DPP10: variants seen among roughly 807,000 people sequenced by gnomAD.
The protein encoded by DPP10 is dipeptidyl peptidase like 10.
Under a neutral mutation model 120.9 loss-of-function variants are expected in DPP10, and 33 were observed. The observed-to-expected ratio is 0.27, with a 90% CI of 0.21 to 0.37. The LOEUF (loss-of-function observed/expected upper bound fraction) is 0.37, where lower values mean the gene tolerates loss of function less well. Ranked by LOEUF, DPP10 falls within the 10% of genes least tolerant of loss-of-function variation. The pLI, the probability that DPP10 is intolerant of heterozygous loss-of-function variation, is 1.00. For missense variants in DPP10, 816 were observed against 942.8 expected (o/e 0.87, Z 1.76); for synonymous variants, 337 against 326.1 (o/e 1.03, Z -0.36).
chr2:114,617,030 C>A (rs1423075334), intron 1 of DPP10, among the ~76,000 whole-genome samples: 2 of 152,040 alleles, frequency 1.3e-5, no homozygotes, highest in South Asian at 4.1e-4. Flanking sequence ...AATTAAATAC[C>A]ACCAGTTAAC....
At chr2:114,919,793 G>A (rs1049392725) in intron 1 of DPP10, among the ~76,000 whole-genome samples, 3 of 152,144 alleles carry the variant, frequency 2.0e-5, no homozygotes, top group Admixed American at 1.3e-4. Context: ...TTGTGTAGTT[G>A]CATTCTGATG....
intron 3 of DPP10, among the ~76,000 whole-genome samples, chr2:115,489,542 A>G (rs1207422886): frequency 1.3e-5 from 2 of 152,030 alleles, no homozygotes; most frequent in African/African-American, 4.8e-5. Flanking sequence ...CTAATTAAAA[A>G]CAAATAAAAG....
chr2:115,010,852 C>A (rs1297218198), intron 1 of DPP10, among the ~76,000 whole-genome samples: 75 of 152,230 alleles, frequency 4.9e-4, no homozygotes, highest in African/African-American at 2.4e-5. Context: ...GTAGTGTGGC[C>A]AGACAGAGGA....
chr2:115,162,076 A>G (rs2052421147), intron 1 of DPP10: 4 of 1,479,048 alleles, frequency 2.7e-6, no homozygotes, highest in Non-Finnish European at 3.6e-6. Flanking sequence ...GGGTGGCTCC[A>G]GTGCGCGCTC....
At chr2:115,381,402 A>G (rs1378552606) in intron 3 of DPP10, among the ~76,000 whole-genome samples, 1 of 152,124 alleles carries the variant, frequency 6.6e-6, no homozygotes, top group East Asian at 1.9e-4. Flanking sequence ...TTTCAGCTCC[A>G]TCAGCTCCTT....
At chr2:115,112,870 C>G (rs17044079) in intron 1 of DPP10, among the ~76,000 whole-genome samples, 8,536 of 152,202 alleles carry the variant, frequency 0.056, 308 homozygotes, top group East Asian at 0.15. Context: ...TCTCTTAAGT[C>G]TGTGCTGTAG....
chr2:115,661,286 T>C (rs2088952152), intron 5 of DPP10, among the ~76,000 whole-genome samples: 1 of 152,144 alleles, frequency 6.6e-6, no homozygotes, highest in African/African-American at 2.4e-5. Flanking sequence ...CATCATTAAA[T>C]TGGTTTCCCA....
chr2:115,774,294 A>G (rs1017766557), intron 13 of DPP10, among the ~76,000 whole-genome samples: 5 of 152,014 alleles, frequency 3.3e-5, no homozygotes, highest in African/African-American at 7.2e-5. Context: ...CTGTGGGCCA[A>G]AAGTGTCTCC....
At chr2:114,619,148 A>G (rs1182504979) in intron 1 of DPP10, among the ~76,000 whole-genome samples, 1 of 152,014 alleles carries the variant, frequency 6.6e-6, no homozygotes, top group Admixed American at 6.6e-5. Context: ...CCTTATGACA[A>G]TTGGGAACAG....
intron 3 of DPP10, among the ~76,000 whole-genome samples, chr2:115,362,205 T>C (rs1372141537): frequency 6.6e-6 from 1 of 152,160 alleles, no homozygotes; most frequent in Non-Finnish European, 1.5e-5. Context: ...AAAATGTCTT[T>C]AGCAAGGAAA....
chr2:115,505,951 T>TAAATATATACAAA (rs1366964708), intron 4 of DPP10, among the ~76,000 whole-genome samples: 7 of 151,804 alleles, frequency 4.6e-5, no homozygotes, highest in African/African-American at 1.7e-4. Context: ...TTTTACCCCA[T>TAAATATATACAAA]AAATATATAC....
intron 11 of DPP10, among the ~76,000 whole-genome samples, chr2:115,758,002 A>G (rs1181893241): frequency 6.6e-6 from 1 of 152,138 alleles, no homozygotes; most frequent in Non-Finnish European, 1.5e-5. Flanking sequence ...CATTCTCAGT[A>G]CTATCAAGCA....
chr2:115,436,269 G>C (rs2104821954), intron 3 of DPP10, among the ~76,000 whole-genome samples: 1 of 151,840 alleles, frequency 6.6e-6, no homozygotes, highest in African/African-American at 2.4e-5. Flanking sequence ...CTCTGTGTTT[G>C]TCATCTCATA....
intron 5 of DPP10, among the ~76,000 whole-genome samples, chr2:115,661,535 G>A (rs1254504725): frequency 6.6e-6 from 1 of 152,170 alleles, no homozygotes; most frequent in Non-Finnish European, 1.5e-5. Context: ...GCATAGAAGT[G>A]GCTTTTGTAG....
intron 1 of DPP10, among the ~76,000 whole-genome samples, chr2:115,083,556 T>A (rs1217715627): frequency 6.6e-6 from 1 of 152,200 alleles, no homozygotes; most frequent in Non-Finnish European, 1.5e-5. Flanking sequence ...CTGCTCTAGT[T>A]TAGGCCTTCC....
chr2:115,035,019 A>C (rs1341812957), intron 1 of DPP10, among the ~76,000 whole-genome samples: 1 of 152,178 alleles, frequency 6.6e-6, no homozygotes, highest in Non-Finnish European at 1.5e-5. Context: ...CCCAATCTAA[A>C]CACAAGCTAC....
At chr2:115,802,537 A>C (rs112272445) in intron 19 of DPP10, among the ~76,000 whole-genome samples, 6 of 152,106 alleles carry the variant, frequency 3.9e-5, no homozygotes, top group Non-Finnish European at 7.4e-5. Flanking sequence ...TGTCAATTTT[A>C]GATCTTTCCT....
intron 5 of DPP10, among the ~76,000 whole-genome samples, chr2:115,623,137 GC>G (rs1217328729): frequency 6.6e-6 from 1 of 152,080 alleles, no homozygotes; most frequent in Non-Finnish European, 1.5e-5. Context: ...GAGCCACCGT[GC>G]CCGGCTCCAT....
At chr2:115,536,301 A>G (rs1324788752) in intron 5 of DPP10, among the ~76,000 whole-genome samples, 4 of 151,990 alleles carry the variant, frequency 2.6e-5, no homozygotes, top group Non-Finnish European at 4.4e-5. Flanking sequence ...ACATTCCACT[A>G]TGAACATTGT....
Sources: gnomAD v4.1 joint callset for allele counts (sites outside exome capture counted in the v4.1 genomes callset) on GRCh38, gnomAD v4.1.1 for gene constraint, MANE v1.5 for transcripts, NCBI Gene and HGNC (gene_info 2026-07-23, HGNC 2026-07-21) for gene names.